APIP: variants seen among roughly 807,000 people sequenced by gnomAD.
The protein encoded by APIP is APAF1 interacting protein.
APIP carries 32 observed loss-of-function variants against 32.0 expected under a neutral mutation model. The observed-to-expected ratio is 1.00, with a 90% CI of 0.76 to 1.34. APIP has a LOEUF of 1.34. APIP is among the 40% of genes most tolerant of loss of function. APIP has a pLI of 0.00. For missense variants in APIP, 247 were observed against 298.6 expected (o/e 0.83, Z 1.27); for synonymous variants, 92 against 94.8 (o/e 0.97, Z 0.17).
intron 5 of APIP, among the ~76,000 whole-genome samples, chr11:34,884,825 T>A (rs1324721727): frequency 6.6e-6 from 1 of 152,040 alleles, no homozygotes; most frequent in Non-Finnish European, 1.5e-5. Flanking sequence ...TATTTTTCTC[T>A]AGCATGCACT....
intron 2 of APIP, among the ~76,000 whole-genome samples, chr11:34,893,882 G>C (rs1853221359): frequency 6.6e-6 from 1 of 152,078 alleles, no homozygotes; most frequent in African/African-American, 2.4e-5. Flanking sequence ...CTCCTTGGGG[G>C]CATGACTATA....
At chr11:34,897,565 G>GTT (rs61026220) in intron 1 of APIP, among the ~76,000 whole-genome samples, 27,985 of 148,048 alleles carry the variant, frequency 0.19, 3,720 homozygotes, top group African/African-American at 0.39. Context: ...GCTTAGTAAG[G>GTT]TTTTTTTTTT....
chr11:34,898,785 GGTTTT>G (rs1441017930), intron 1 of APIP, among the ~76,000 whole-genome samples: 8,059 of 91,694 alleles, frequency 0.088, 1,016 homozygotes, highest in African/African-American at 0.18. Context: ...TTCTTTCTTT[GGTTTT>G]TTTTTTTTTT....
In APIP at chr11:34,882,426, G is replaced by C. The variant is rs1468846665; in HGVS notation, c.*291C>G. On this transcript the variant is annotated 3_prime_UTR_variant, in exon 7 of 7. Transcript: ENST00000395787. ...CTTTAAAAATTAAGAGGAATTCTCT[G>C]AGAGTATATATAAAAAAGAAATTAA... The C allele has an allele frequency of 5.7e-6, 1 of 174,424 alleles. No homozygotes were observed. Among genetic ancestry groups the C allele is most frequent in the East Asian group, 1.5e-4 (1 of 6,846 alleles). The allele number at this position is 174,424 out of a possible 1,614,324, so 10.8% of individuals were successfully genotyped here.
At chr11:34,910,230 G>A (rs1162254460) in intron 1 of APIP, among the ~76,000 whole-genome samples, 1 of 152,200 alleles carries the variant, frequency 6.6e-6, no homozygotes. Context: ...TAAAGGTTTG[G>A]CTAGGCCAAC....
At chr11:34,915,001 CAAAAA>C (rs33914497) in intron 1 of APIP, among the ~76,000 whole-genome samples, 2 of 76,382 alleles carry the variant, frequency 2.6e-5, no homozygotes, top group Non-Finnish European at 2.6e-5. Flanking sequence ...CAAAACGTGT[CAAAAA>C]AAAAAAAAAA....
chr11:34,909,818 G>C (rs1853517650), intron 1 of APIP, among the ~76,000 whole-genome samples: 1 of 152,182 alleles, frequency 6.6e-6, no homozygotes, highest in African/African-American at 2.4e-5. Context: ...AGAGGGCTTG[G>C]AGATCCTGAG....
intron 2 of APIP, among the ~76,000 whole-genome samples, chr11:34,893,544 A>T (rs563278910): frequency 6.6e-6 from 1 of 152,374 alleles, no homozygotes; most frequent in South Asian, 2.1e-4. Context: ...AGTTTTGGCA[A>T]AATAATGTGA....
At chr11:34,896,177 T>G (rs949705098) in intron 1 of APIP, among the ~76,000 whole-genome samples, 12 of 152,208 alleles carry the variant, frequency 7.9e-5, no homozygotes, top group Non-Finnish European at 1.8e-4. Flanking sequence ...TCAACCATTG[T>G]GGAAGACAGT....
intron 2 of APIP, among the ~76,000 whole-genome samples, chr11:34,892,176 CT>C (rs571648046): frequency 2.7e-4 from 41 of 151,980 alleles, no homozygotes; most frequent in Non-Finnish European, 5.9e-4. Flanking sequence ...ATATTTACAC[CT>C]ACAAAGAAAG....
intron 1 of APIP, among the ~76,000 whole-genome samples, chr11:34,905,592 G>T (rs952520569): frequency 3.9e-5 from 6 of 152,150 alleles, no homozygotes; most frequent in Admixed American, 3.9e-4. Context: ...CCATGCTTGG[G>T]AGATCTCAAA....
chr11:34,909,520 G>C (rs999889081), intron 1 of APIP, among the ~76,000 whole-genome samples: 1 of 152,116 alleles, frequency 6.6e-6, no homozygotes, highest in East Asian at 1.9e-4. Flanking sequence ...AACTAAGCCA[G>C]TGTGTGATGA....
chr11:34,889,278 T>C (rs1853144604), intron 3 of APIP, among the ~76,000 whole-genome samples: 1 of 152,076 alleles, frequency 6.6e-6, no homozygotes, highest in Admixed American at 6.6e-5. Flanking sequence ...CACAACTGTA[T>C]TTCAGAAAGT....
rs375311052 is a variant in APIP at position 34,882,676 on chromosome 11, G to A, written c.*41C>T. ...TAGCTTTCATTTAAATAATAATTAC[G>A]TTTAGCTTTATCTCTGTATATAATT... On this transcript the variant is annotated 3_prime_UTR_variant, in exon 7 of 7. Transcript: ENST00000395787. 4.4e-5 allele frequency: 60 copies of A among 1,371,228 alleles called. No individual in the cohort carries two copies. The Middle Eastern group carries it at 7.6e-4, about 17-fold the overall frequency. The allele number at this position is 1,371,228 out of a possible 1,614,324, so 84.9% of individuals were successfully genotyped here.
At chr11:34,891,738 T>A (rs899477891) in intron 2 of APIP, among the ~76,000 whole-genome samples, 1 of 152,218 alleles carries the variant, frequency 6.6e-6, no homozygotes, top group African/African-American at 2.4e-5. Flanking sequence ...TTTCATGAAG[T>A]GGCTATTGTT....
At chr11:34,895,184 A>T in intron 1 of APIP, 74 bp from the exon 2 acceptor site, 1 of 1,304,946 alleles carries the variant, frequency 7.7e-7, no homozygotes, top group Non-Finnish European at 1.1e-6. Context: ...TGTTTCTAAT[A>T]AGAAGCCAAT....
chr11:34,914,978 T>C (rs1378780403), intron 1 of APIP, among the ~76,000 whole-genome samples: 2 of 117,862 alleles, frequency 1.7e-5, no homozygotes, highest in Non-Finnish European at 3.3e-5. Flanking sequence ...CACTCCAGCC[T>C]GGGCAACAAG....
chr11:34,916,321 G>C lies in APIP; in HGVS notation c.-37C>G. 1 of 1,607,300 alleles carries C rather than the reference G, an allele frequency of 6.2e-7. No individual in the cohort carries two copies. Among genetic ancestry groups the C allele is most frequent in the Non-Finnish European group, 8.5e-7 (1 of 1,177,104 alleles). ...GGGACCCGCGCGGCCTCCAATCTCCGCACGGCTTTGCGCGCGGCGCTTAGC... is the reference window on the plus strand; with the variant it reads ...GGGACCCGCGCGGCCTCCAATCTCCCCACGGCTTTGCGCGCGGCGCTTAGC... On this transcript the variant is annotated 5_prime_UTR_variant, in exon 1 of 7. Transcript: ENST00000395787.
At chr11:34,886,272 C>G (rs1338149118) in intron 5 of APIP, among the ~76,000 whole-genome samples, 3 of 150,990 alleles carry the variant, frequency 2.0e-5, no homozygotes, top group Non-Finnish European at 4.4e-5. Context: ...CCTGTGTACT[C>G]CTAGGCTAAT....
Sources: allele counts gnomAD v4.1 joint callset (sites outside exome capture counted in the v4.1 genomes callset), GRCh38; gene constraint gnomAD v4.1.1; transcripts MANE v1.5; gene names NCBI Gene and HGNC (gene_info 2026-07-23, HGNC 2026-07-21).